The following UBE3D variants were observed in gnomAD, a reference collection of about 807,000 sequenced individuals.
UBE3D encodes the protein E3 ubiquitin-protein ligase E3D.
UBE3D carries 48 observed loss-of-function variants against 49.6 expected under a neutral mutation model. The observed-to-expected ratio is 0.97, with a 90% CI of 0.77 to 1.23. The LOEUF is 1.23. Ranked by LOEUF, UBE3D falls within the 50% of genes most tolerant of loss-of-function variation. UBE3D has a pLI of 0.00. For missense variants in UBE3D, 452 were observed against 468.4 expected (o/e 0.96, Z 0.32); for synonymous variants, 189 against 174.2 (o/e 1.08, Z -0.67).
At chr6:83,036,705 A>G (rs1289860221) in intron 5 of UBE3D, 1 of 151,594 alleles carries the variant, frequency 6.6e-6, no homozygotes, top group Admixed American at 6.6e-5. Flanking sequence ...CTGTAGGATG[A>G]GTGAATATAA....
At chr6:83,002,533 C>T (rs941281482) in intron 8 of UBE3D, among the ~76,000 whole-genome samples, 2 of 152,152 alleles carry the variant, frequency 1.3e-5, no homozygotes, top group Admixed American at 6.5e-5. Flanking sequence ...AAAAATACAA[C>T]AATTAGCTGG....
rs140596068 is a variant in UBE3D at position 83,038,437 on chromosome 6, A to G, written c.646T>C (p.Leu216=). The change falls in exon 5 of 10, where the codon TTG becomes CTG. Residue 216 remains leucine, a synonymous_variant. Coordinates refer to ENST00000369747, the MANE Select transcript of UBE3D (RefSeq NM_198920.3). The stretch of plus-strand genomic sequence containing the variant: ...TTACCTGATGACACGGTCTCTCCCA[A>G]CATTACCTTGCAACGCTTACAAATT... The part of the protein sequence containing the change: ...KVICKRCKVM[L]GETVSSETTK... 6.8e-5 allele frequency: 109 copies of G among 1,612,200 alleles called. No homozygotes were observed. Among genetic ancestry groups the G allele is most frequent in the Non-Finnish European group, 8.5e-5 (100 of 1,179,578 alleles).
chr6:82,890,330 C>T (rs1022060368), downstream of UBE3D, among the ~76,000 whole-genome samples: 3 of 152,110 alleles, frequency 2.0e-5, no homozygotes, highest in African/African-American at 7.2e-5. Flanking sequence ...TGCCCTATAG[C>T]CCCAAAGTAG....
At chr6:82,917,531 G>A (rs1417981478) in intron 9 of UBE3D, among the ~76,000 whole-genome samples, 1 of 152,210 alleles carries the variant, frequency 6.6e-6, no homozygotes, top group Non-Finnish European at 1.5e-5. Flanking sequence ...ATTCCTAAGA[G>A]GCATGCAGGT....
At chr6:82,925,387 C>A (rs1484615855) in intron 9 of UBE3D, among the ~76,000 whole-genome samples, 1 of 152,144 alleles carries the variant, frequency 6.6e-6, no homozygotes, top group African/African-American at 2.4e-5. Context: ...GACCCGACTT[C>A]TTTAAGTCAA....
intron 3 of UBE3D, among the ~76,000 whole-genome samples, chr6:83,051,966 G>A (rs1562230306): frequency 6.6e-6 from 1 of 152,198 alleles, no homozygotes; most frequent in Non-Finnish European, 1.5e-5. Flanking sequence ...ATTCAACCCA[G>A]CAAAAATTGA....
intron 8 of UBE3D, among the ~76,000 whole-genome samples, chr6:82,965,557 T>C (rs1298785491): frequency 1.6e-5 from 2 of 126,428 alleles, no homozygotes; most frequent in Non-Finnish European, 3.1e-5. Context: ...TCCTCCAGCC[T>C]GGACAACAAG....
At chr6:82,987,441 CCT>C (rs1191920323) in intron 8 of UBE3D, among the ~76,000 whole-genome samples, 1 of 152,168 alleles carries the variant, frequency 6.6e-6, no homozygotes, top group African/African-American at 2.4e-5. Context: ...AATTCCTGTG[CCT>C]CTAATTGCTT....
At chr6:82,983,208 A>AAC (rs547260356) in intron 8 of UBE3D, among the ~76,000 whole-genome samples, 162 of 151,482 alleles carry the variant, frequency 1.1e-3, no homozygotes, top group African/African-American at 3.8e-3. Context: ...CACAGATGTA[A>AAC]ATATATATGT....
At chr6:82,994,523 C>T (rs1191755792) in intron 8 of UBE3D, among the ~76,000 whole-genome samples, 1 of 152,086 alleles carries the variant, frequency 6.6e-6, no homozygotes, top group African/African-American at 2.4e-5. Flanking sequence ...GGATTTGGGA[C>T]AGGCAAACAG....
intron 9 of UBE3D, among the ~76,000 whole-genome samples, chr6:82,948,843 C>T (rs1452268830): frequency 1.3e-5 from 2 of 151,350 alleles, no homozygotes; most frequent in African/African-American, 2.4e-5. Context: ...AAAACCATTA[C>T]AAAACTGGGT....
chr6:82,944,260 A>T (rs1218544625), intron 9 of UBE3D, among the ~76,000 whole-genome samples: 1 of 152,182 alleles, frequency 6.6e-6, no homozygotes, highest in East Asian at 1.9e-4. Flanking sequence ...TTGAATCTTG[A>T]ATACTAGCTC....
At chr6:82,993,303 C>T (rs994695053) in intron 8 of UBE3D, among the ~76,000 whole-genome samples, 39 of 152,056 alleles carry the variant, frequency 2.6e-4, no homozygotes, top group Admixed American at 1.4e-3. Context: ...TCCTCTTGCA[C>T]GACTGTACCC....
At chr6:82,959,149 C>T (rs1386172558) in intron 8 of UBE3D, among the ~76,000 whole-genome samples, 2 of 151,790 alleles carry the variant, frequency 1.3e-5, no homozygotes, top group East Asian at 3.9e-4. Context: ...AAACCATGTC[C>T]TCTAATTTTT....
chr6:82,956,231 T>G (rs1054825307), intron 9 of UBE3D, among the ~76,000 whole-genome samples: 2 of 152,248 alleles, frequency 1.3e-5, no homozygotes, highest in African/African-American at 4.8e-5. Context: ...GTTTATTTAT[T>G]TCTCAGCAAC....
chr6:82,923,571 G>T (rs151264000), intron 9 of UBE3D, among the ~76,000 whole-genome samples: 1,580 of 152,246 alleles, frequency 0.01, 13 homozygotes, highest in Admixed American at 0.018. Flanking sequence ...CTGTGGGGGT[G>T]GGGGGCTAGG....
At chr6:82,956,063 A>G (rs1776137110) in intron 9 of UBE3D, among the ~76,000 whole-genome samples, 1 of 152,198 alleles carries the variant, frequency 6.6e-6, no homozygotes. Flanking sequence ...AATGTAAATA[A>G]GATTGGAGCA....
chr6:82,999,233 C>T (rs1478391880), intron 8 of UBE3D, among the ~76,000 whole-genome samples: 1 of 152,144 alleles, frequency 6.6e-6, no homozygotes, highest in Non-Finnish European at 1.5e-5. Flanking sequence ...TCCTTCTGTC[C>T]TGTTACAAAA....
At chr6:82,910,361 T>C (rs753491094) in intron 9 of UBE3D, among the ~76,000 whole-genome samples, 6 of 152,200 alleles carry the variant, frequency 3.9e-5, no homozygotes, top group Non-Finnish European at 7.3e-5. Context: ...ATTAATTATA[T>C]AACTAGAATC....
Sources: gnomAD v4.1 joint callset for allele counts (sites outside exome capture counted in the v4.1 genomes callset) on GRCh38, gnomAD v4.1.1 for gene constraint, MANE v1.5 for transcripts, NCBI Gene and HGNC (gene_info 2026-07-23, HGNC 2026-07-21) for gene names.